The following ITGA9 variants were observed in gnomAD, a reference collection of about 807,000 sequenced individuals.
ITGA9 encodes the protein integrin alpha-9.
In ITGA9, 56 loss-of-function variants were observed where a neutral mutation model predicts 127.8. The observed-to-expected ratio is 0.44, with a 90% CI of 0.35 to 0.55. The LOEUF (loss-of-function observed/expected upper bound fraction) is 0.55, where lower values mean the gene tolerates loss of function less well. ITGA9 is among the 20% of genes least tolerant of loss of function. The pLI, the probability that ITGA9 is intolerant of heterozygous loss-of-function variation, is 0.00. For missense variants in ITGA9, 1,196 were observed against 1,347.1 expected, an observed-to-expected ratio of 0.89 and a Z score of 1.76; for synonymous variants, 508 against 514.5, an observed-to-expected ratio of 0.99 and a Z score of 0.17.
chr3:37,526,067 C>G lies in ITGA9; in HGVS notation c.1369C>G (p.Leu457Val). 6.2e-7 allele frequency: 1 copy of G among 1,613,924 alleles called. No individual in the cohort carries two copies. The highest frequency in any genetic ancestry group is 8.5e-7 in the Non-Finnish European group (1 of 1,179,840). ...GAFMSDSVVL[L>V]RARPVITVDV... ...CTTCATGTCCGACAGCGTGGTTCTT[C>G]TCAGGTGAGAGGCCCCACTCTTGCT... Residue 457 changes from leucine (L) to valine (V), a missense_variant, in exon 13 of 28, where the codon CTC becomes GTC. Transcript: ENST00000264741.
At chr3:37,737,115 T>C in intron 20 of ITGA9, 132 bp downstream of exon 20, 1 of 727,816 alleles carries the variant, frequency 1.4e-6, no homozygotes. Context: ...TGATAAAGCC[T>C]TGAGCCGCAA....
chr3:37,784,891 G>T, intron 25 of ITGA9, 86 bp from the exon 26 acceptor site: 1 of 1,136,132 alleles, frequency 8.8e-7, no homozygotes. Flanking sequence ...ATGGAATCAT[G>T]GAATTTCAGT....
intron 18 of ITGA9, among the ~76,000 whole-genome samples, chr3:37,689,987 C>T (rs1270686799): frequency 1.3e-5 from 2 of 152,308 alleles, no homozygotes; most frequent in African/African-American, 4.8e-5. Flanking sequence ...CACAAGGTGC[C>T]AGCTGCTCTA....
chr3:37,774,140 T>C (rs953331753), intron 23 of ITGA9, among the ~76,000 whole-genome samples: 2 of 152,222 alleles, frequency 1.3e-5, no homozygotes, highest in African/African-American at 4.8e-5. Flanking sequence ...ACTGCAGCAG[T>C]TGTTTTCCTC....
intron 13 of ITGA9, among the ~76,000 whole-genome samples, chr3:37,527,496 G>C (rs544126936): frequency 3.3e-5 from 5 of 152,274 alleles, no homozygotes; most frequent in African/African-American, 1.2e-4. Context: ...GGGGGCAATT[G>C]TGTCCCCCAA....
At chr3:37,479,677 C>A (rs1463250806) in intron 3 of ITGA9, among the ~76,000 whole-genome samples, 1 of 152,168 alleles carries the variant, frequency 6.6e-6, no homozygotes, top group East Asian at 1.9e-4. Flanking sequence ...AGTCACCAGG[C>A]CTGCCCCAGG....
intron 15 of ITGA9, among the ~76,000 whole-genome samples, chr3:37,545,994 T>C (rs900112669): frequency 6.6e-6 from 1 of 152,230 alleles, no homozygotes; most frequent in African/African-American, 2.4e-5. Context: ...ACCACCTGCA[T>C]GATTTTTACA....
intron 4 of ITGA9, among the ~76,000 whole-genome samples, chr3:37,490,022 C>T (rs1023100377): frequency 6.9e-6 from 1 of 145,680 alleles, no homozygotes; most frequent in Admixed American, 7.1e-5. Flanking sequence ...GAGCTAATTC[C>T]AACTGGCTGT....
At chr3:37,744,083 C>A in intron 22 of ITGA9, 49 bp downstream of exon 22, 1 of 1,211,684 alleles carries the variant, frequency 8.3e-7, no homozygotes, top group Non-Finnish European at 1.2e-6. Context: ...AACGGAAGGG[C>A]ACATGGGATG....
At chr3:37,573,328 A>G (rs112971941) in intron 15 of ITGA9, 2 of 152,182 alleles carry the variant, frequency 1.3e-5, no homozygotes, top group Admixed American at 1.3e-4. Context: ...GATTCTGTTT[A>G]CTGAGAGATG....
At chr3:37,569,136 G>T (rs183988523) in intron 15 of ITGA9, among the ~76,000 whole-genome samples, 17 of 152,318 alleles carry the variant, frequency 1.1e-4, no homozygotes, top group African/African-American at 3.6e-4. Flanking sequence ...GTTCCATGTG[G>T]CTGGGGAGGC....
At chr3:37,535,815 A>G (rs569295774) in intron 14 of ITGA9, among the ~76,000 whole-genome samples, 1 of 152,380 alleles carries the variant, frequency 6.6e-6, no homozygotes, top group South Asian at 2.1e-4. Flanking sequence ...AAGGCAATGC[A>G]GAAAATTATT....
chr3:37,709,822 A>G (rs949002869), intron 18 of ITGA9, among the ~76,000 whole-genome samples: 2 of 152,254 alleles, frequency 1.3e-5, no homozygotes, highest in Non-Finnish European at 2.9e-5. Flanking sequence ...AGTAGACAGC[A>G]TGAATCCAGG....
chr3:37,641,806 A>C (rs1278913826), intron 16 of ITGA9, among the ~76,000 whole-genome samples: 1 of 152,176 alleles, frequency 6.6e-6, no homozygotes, highest in African/African-American at 2.4e-5. Flanking sequence ...GGCCCTTTGC[A>C]TATGCTGATA....
At chr3:37,602,928 G>A (rs985681951) in intron 15 of ITGA9, among the ~76,000 whole-genome samples, 2 of 152,122 alleles carry the variant, frequency 1.3e-5, no homozygotes, top group Non-Finnish European at 1.5e-5. Flanking sequence ...TGTGATTTTT[G>A]GCTGCTACCC....
chr3:37,691,911 T>C (rs1184027942), intron 18 of ITGA9, among the ~76,000 whole-genome samples: 5 of 152,218 alleles, frequency 3.3e-5, no homozygotes, highest in African/African-American at 4.8e-5. Flanking sequence ...TTCACAGTGA[T>C]TGCAAGAAGC....
At chr3:37,555,623 G>A (rs1420986556) in intron 15 of ITGA9, among the ~76,000 whole-genome samples, 1 of 152,218 alleles carries the variant, frequency 6.6e-6, no homozygotes, top group East Asian at 1.9e-4. Flanking sequence ...TAGTCACACA[G>A]ATCAAGCCAC....
intron 15 of ITGA9, among the ~76,000 whole-genome samples, chr3:37,575,085 C>T (rs149073916): frequency 6.6e-5 from 10 of 152,186 alleles, no homozygotes; most frequent in East Asian, 1.9e-4. Context: ...AAATGGTGTC[C>T]GTTGGTGAGC....
At chr3:37,688,914 A>G (rs1005011276) in intron 18 of ITGA9, among the ~76,000 whole-genome samples, 1 of 151,144 alleles carries the variant, frequency 6.6e-6, no homozygotes, top group Non-Finnish European at 1.5e-5. Context: ...TTATGTGGAT[A>G]GGTGAGTGGG....
Sources: gnomAD v4.1 joint callset for allele counts (sites outside exome capture counted in the v4.1 genomes callset) on GRCh38, gnomAD v4.1.1 for gene constraint, MANE v1.5 for transcripts, NCBI Gene and HGNC (gene_info 2026-07-23, HGNC 2026-07-21) for gene names.